TEKT5: variants seen among roughly 807,000 people sequenced by gnomAD.
TEKT5 encodes the protein tektin 5, also known as tektin-5.
In TEKT5, 52 loss-of-function variants were observed where a neutral mutation model predicts 48.7. The observed-to-expected ratio is 1.07, with a 90% confidence interval of 0.86 to 1.35. The LOEUF is 1.35. Among genes scored for constraint, TEKT5 ranks in the 40% most tolerant of loss-of-function variants. The pLI, the probability that TEKT5 is intolerant of heterozygous loss-of-function variation, is 0.00. For synonymous variants in TEKT5, 318 were observed against 267.6 expected, an observed-to-expected ratio of 1.19 and a Z score of -1.84; for missense variants, 831 against 641.6, an observed-to-expected ratio of 1.30 and a Z score of -3.19.
At chr16:10,653,180 G>C (rs1376298260) in intron 5 of TEKT5, among the ~76,000 whole-genome samples, 1 of 152,218 alleles carries the variant, frequency 6.6e-6, no homozygotes, top group Non-Finnish European at 1.5e-5. Flanking sequence ...GATTGGCTCA[G>C]GGGGTCACCC....
intron 5 of TEKT5, among the ~76,000 whole-genome samples, chr16:10,649,905 G>C (rs1024021684): frequency 1.3e-5 from 2 of 152,056 alleles, no homozygotes; most frequent in Admixed American, 6.6e-5. Flanking sequence ...GACACTGAGG[G>C]GCAGGGACCC....
At chr16:10,642,151 T>C (rs917726535) in intron 5 of TEKT5, among the ~76,000 whole-genome samples, 4 of 152,232 alleles carry the variant, frequency 2.6e-5, no homozygotes, top group South Asian at 2.1e-4. Context: ...TTTTGTGTTC[T>C]AGAGCTTTGA....
At chr16:10,684,131 G>C (rs1596418533) in intron 3 of TEKT5, among the ~76,000 whole-genome samples, 2 of 152,284 alleles carry the variant, frequency 1.3e-5, no homozygotes, top group African/African-American at 2.4e-5. Context: ...TGATGGTACA[G>C]ACACATAAGC....
intron 5 of TEKT5, among the ~76,000 whole-genome samples, chr16:10,666,209 C>A (rs761553071): frequency 1.3e-5 from 2 of 152,176 alleles, no homozygotes; most frequent in Non-Finnish European, 2.9e-5. Flanking sequence ...TTCTTCCTAT[C>A]TTCTGGAATC....
At chr16:10,638,887 A>T (rs1182823818) in intron 5 of TEKT5, among the ~76,000 whole-genome samples, 1 of 152,240 alleles carries the variant, frequency 6.6e-6, no homozygotes, top group Non-Finnish European at 1.5e-5. Context: ...TAAAACAAAA[A>T]GTACTATCTG....
intron 5 of TEKT5, among the ~76,000 whole-genome samples, chr16:10,653,397 C>A (rs566884528): frequency 6.6e-6 from 1 of 152,348 alleles, no homozygotes; most frequent in Non-Finnish European, 1.5e-5. Flanking sequence ...GAGTCCTAAG[C>A]CTCCCATGTG....
chr16:10,657,755 A>G (rs536487402), intron 5 of TEKT5, among the ~76,000 whole-genome samples: 4 of 143,298 alleles, frequency 2.8e-5, no homozygotes, highest in Non-Finnish European at 6.0e-5. Flanking sequence ...ACGCCAAGCT[A>G]ATTTTTTTTT....
At chr16:10,632,891 C>T (rs1207954908) in intron 6 of TEKT5, among the ~76,000 whole-genome samples, 5 of 151,710 alleles carry the variant, frequency 3.3e-5, no homozygotes, top group East Asian at 3.9e-4. Context: ...CACACACACA[C>T]ACACACACAC....
chr16:10,674,506 G>T (rs1054875268), intron 5 of TEKT5, among the ~76,000 whole-genome samples: 1 of 150,706 alleles, frequency 6.6e-6, no homozygotes, highest in African/African-American at 2.4e-5. Flanking sequence ...GTGGTGGCAC[G>T]CACACGTAGT....
At chr16:10,655,967 C>G (rs1409695862) in intron 5 of TEKT5, among the ~76,000 whole-genome samples, 1 of 152,166 alleles carries the variant, frequency 6.6e-6, no homozygotes, top group Non-Finnish European at 1.5e-5. Flanking sequence ...AACCTAATCC[C>G]AAATGAGTTG....
At chr16:10,657,310 T>C (rs1031757727) in intron 5 of TEKT5, among the ~76,000 whole-genome samples, 3 of 151,634 alleles carry the variant, frequency 2.0e-5, no homozygotes, top group Admixed American at 2.0e-4. Flanking sequence ...GTGTATTTAG[T>C]AGAAACAGGG....
chr16:10,689,597 T>C (rs1013329319), intron 2 of TEKT5, among the ~76,000 whole-genome samples: 2 of 150,518 alleles, frequency 1.3e-5, no homozygotes, highest in African/African-American at 2.4e-5. Flanking sequence ...GCACCTACCA[T>C]GTGCCAAGCA....
chr16:10,682,302 C>T, intron 3 of TEKT5, among the ~76,000 whole-genome samples, 166 bp from the exon 4 acceptor site: 1 of 151,994 alleles, frequency 6.6e-6, no homozygotes, highest in South Asian at 2.1e-4. Context: ...AGAGGCTCCC[C>T]CCAATCCAAA....
chr16:10,675,415 G>A (rs999337356), intron 5 of TEKT5, among the ~76,000 whole-genome samples: 12 of 152,164 alleles, frequency 7.9e-5, no homozygotes, highest in Non-Finnish European at 1.5e-4. Context: ...AAAGCATGAC[G>A]CAAAACGCCT....
At chr16:10,649,856 A>G (rs1424278558) in intron 5 of TEKT5, among the ~76,000 whole-genome samples, 1 of 152,304 alleles carries the variant, frequency 6.6e-6, no homozygotes, top group East Asian at 1.9e-4. Context: ...GTACGTAGAT[A>G]ATGCAGGTGA....
chr16:10,669,388 G>C (rs1898516991), intron 5 of TEKT5, among the ~76,000 whole-genome samples: 1 of 152,136 alleles, frequency 6.6e-6, no homozygotes, highest in Non-Finnish European at 1.5e-5. Context: ...GAACCTGGCA[G>C]GCGGAGGTTG....
intron 4 of TEKT5, among the ~76,000 whole-genome samples, chr16:10,680,898 T>C (rs990215298): frequency 3.7e-4 from 54 of 147,912 alleles, no homozygotes; most frequent in Middle Eastern, 3.4e-3. Context: ...TTAGGAGATA[T>C]ACCTAATGCT....
chr16:10,664,220 G>A (rs748532625), intron 5 of TEKT5, among the ~76,000 whole-genome samples: 4 of 152,164 alleles, frequency 2.6e-5, no homozygotes, highest in African/African-American at 9.7e-5. Context: ...AATCCCCAGC[G>A]CCTAACTCAG....
At chr16:10,688,231 C>G (rs149487160) in intron 3 of TEKT5, among the ~76,000 whole-genome samples, 1 of 152,350 alleles carries the variant, frequency 6.6e-6, no homozygotes, top group East Asian at 1.9e-4. Context: ...CTGTACACCT[C>G]CACCCCGATG....
Sources: allele counts gnomAD v4.1 joint callset (sites outside exome capture counted in the v4.1 genomes callset), GRCh38; gene constraint gnomAD v4.1.1; transcripts MANE v1.5; gene names NCBI Gene and HGNC (gene_info 2026-07-23, HGNC 2026-07-21).